Variants in LEMD1 observed in about 807,000 individuals in gnomAD.
The protein encoded by LEMD1 is LEM domain containing 1, also known as LEM domain-containing protein 1.
Under a neutral mutation model 17.4 loss-of-function variants are expected in LEMD1, and 18 were observed. That is an observed-to-expected ratio of 1.04 (90% CI 0.72 to 1.54). The LOEUF (loss-of-function observed/expected upper bound fraction) is 1.54, where lower values mean the gene tolerates loss of function less well. Ranked by LOEUF, LEMD1 falls within the 40% of genes most tolerant of loss-of-function variation. The pLI is 0.00. For missense variants in LEMD1, 195 were observed against 210.4 expected (o/e 0.93, Z 0.45); for synonymous variants, 88 against 77.8 (o/e 1.13, Z -0.69).
intron 4 of LEMD1, among the ~76,000 whole-genome samples, chr1:205,389,190 A>C (rs528574095): frequency 6.6e-6 from 1 of 151,818 alleles, no homozygotes; most frequent in African/African-American, 2.4e-5. Context: ...CTGAGACTAC[A>C]GGTGCATGCC....
intron 5 of LEMD1, among the ~76,000 whole-genome samples, chr1:205,383,000 C>A (rs746262451): frequency 3.9e-5 from 6 of 152,112 alleles, no homozygotes; most frequent in Non-Finnish European, 8.8e-5. Context: ...CTGTCTTGAG[C>A]TTTTATTTGA....
intron 1 of LEMD1, among the ~76,000 whole-genome samples, chr1:205,432,085 G>C (rs1455986544): frequency 6.6e-6 from 1 of 152,220 alleles, no homozygotes; most frequent in East Asian, 1.9e-4. Context: ...ATGTGGTGGG[G>C]TGTGACAGAT....
intron 1 of LEMD1, among the ~76,000 whole-genome samples, chr1:205,434,348 A>ATAT (rs11454707): frequency 1.9e-4 from 27 of 143,156 alleles, no homozygotes; most frequent in African/African-American, 2.8e-4. Flanking sequence ...AGTAAAAAAA[A>ATAT]ATATATATAT....
intron 5 of LEMD1, among the ~76,000 whole-genome samples, chr1:205,383,625 T>C (rs888863653): frequency 6.6e-6 from 1 of 151,780 alleles, no homozygotes; most frequent in Non-Finnish European, 1.5e-5. Flanking sequence ...TATCCTTTTT[T>C]TTTTTTCTTT....
chr1:205,442,511 C>T (rs1666311913), intron 1 of LEMD1, among the ~76,000 whole-genome samples: 1 of 152,190 alleles, frequency 6.6e-6, no homozygotes, highest in Admixed American at 6.5e-5. Context: ...CCACACCAAG[C>T]ACAGTGCCCG....
chr1:205,399,192 G>T (rs973987682), intron 4 of LEMD1, among the ~76,000 whole-genome samples: 1 of 150,032 alleles, frequency 6.7e-6, no homozygotes, highest in Non-Finnish European at 1.5e-5. Context: ...TCCAGCCTGG[G>T]CAACAGAGCG....
chr1:205,398,863 G>A (rs868290295), intron 4 of LEMD1, among the ~76,000 whole-genome samples: 4 of 152,252 alleles, frequency 2.6e-5, no homozygotes, highest in Middle Eastern at 3.4e-3. Flanking sequence ...ACATAGTTAC[G>A]GGTGATACAG....
At chr1:205,384,248 A>G in intron 5 of LEMD1, 40 bp downstream of exon 5, 3 of 1,224,984 alleles carry the variant, frequency 2.4e-6, no homozygotes, top group Non-Finnish European at 3.3e-6. Flanking sequence ...TACAGAATAC[A>G]ATAATATCAA....
At chr1:205,405,695 C>A (rs1665061060) in intron 4 of LEMD1, among the ~76,000 whole-genome samples, 1 of 152,060 alleles carries the variant, frequency 6.6e-6, no homozygotes, top group South Asian at 2.1e-4. Flanking sequence ...GCCTTCTTCT[C>A]TCAACTTGTC....
At chr1:205,419,772 C>T (rs552855170) in intron 2 of LEMD1, among the ~76,000 whole-genome samples, 4 of 152,048 alleles carry the variant, frequency 2.6e-5, no homozygotes, top group South Asian at 2.1e-4. Context: ...TGCCCAATTA[C>T]GGCTTTTTAA....
Position 205,448,446 on chromosome 1 carries a change from A to T in LEMD1, c.-39+1422T>A. ...TCATAGGGAAGCGAGAAGCTGGGGC[A>T]CCCGAGAAGCCCTCACTCCCCTTCT... On this transcript the variant is annotated intron_variant, in intron 1 of 3. Transcript: ENST00000367154. The surrounding 1 kb of genome is among the most constrained non-coding windows in gnomAD (Gnocchi z 4.7). 1 of 530,134 alleles carries T rather than the reference A, an allele frequency of 1.9e-6. No homozygotes were observed. Among genetic ancestry groups the T allele is most frequent in the Non-Finnish European group, 3.9e-6 (1 of 259,212 alleles). 32.8% of individuals were successfully genotyped at this position (530,134 alleles called of 1,614,324 possible). A position where few individuals can be genotyped will look rare whatever the true frequency, so the allele number is the denominator to read the frequency against.
At chr1:205,401,724 A>G (rs974957252) in intron 4 of LEMD1, among the ~76,000 whole-genome samples, 3 of 152,024 alleles carry the variant, frequency 2.0e-5, no homozygotes, top group African/African-American at 7.3e-5. Flanking sequence ...CCATTTGTCA[A>G]TTTTGGCTTT....
upstream of LEMD1, among the ~76,000 whole-genome samples, chr1:205,426,003 C>T (rs1428366204): frequency 2.0e-5 from 3 of 152,170 alleles, no homozygotes; most frequent in Non-Finnish European, 4.4e-5. Flanking sequence ...GGACACAGAG[C>T]AGCTCCACTC....
At chr1:205,402,605 G>A (rs528759843) in intron 4 of LEMD1, among the ~76,000 whole-genome samples, 4 of 152,276 alleles carry the variant, frequency 2.6e-5, no homozygotes, top group Admixed American at 2.6e-4. Flanking sequence ...TTTGGGCTGA[G>A]ACAATGGGGT....
chr1:205,433,936 C>G (rs1037910038), intron 1 of LEMD1, among the ~76,000 whole-genome samples: 2 of 152,196 alleles, frequency 1.3e-5, no homozygotes. Flanking sequence ...GATCTCTCCG[C>G]CCTCTCTCAG....
At chr1:205,430,605 C>A (rs1049074735) in intron 1 of LEMD1, among the ~76,000 whole-genome samples, 4 of 152,224 alleles carry the variant, frequency 2.6e-5, no homozygotes, top group South Asian at 2.1e-4. Context: ...GCAGACCACG[C>A]GGACGCCAAC....
At chr1:205,394,367 T>A (rs528321288) in intron 4 of LEMD1, among the ~76,000 whole-genome samples, 1,897 of 149,732 alleles carry the variant, frequency 0.013, 31 homozygotes, top group African/African-American at 0.035. Flanking sequence ...TATTTGTTTA[T>A]TTAATTAATT....
At chr1:205,389,033 C>CT (rs1278093645) in intron 4 of LEMD1, among the ~76,000 whole-genome samples, 93 of 77,030 alleles carry the variant, frequency 1.2e-3, no homozygotes, top group South Asian at 3.1e-3. Flanking sequence ...AGTACATTTG[C>CT]TTTCTTTTTT....
chr1:205,385,035 A>G (rs554186890), intron 4 of LEMD1, among the ~76,000 whole-genome samples: 4 of 152,112 alleles, frequency 2.6e-5, no homozygotes, highest in Admixed American at 1.3e-4. Context: ...GAGGCTACAC[A>G]GTATTATCAG....
Sources: gnomAD v4.1 joint callset for allele counts (sites outside exome capture counted in the v4.1 genomes callset) on GRCh38, gnomAD v4.1.1 for gene constraint, Gnocchi (gnomAD v3.1) non-coding constraint, MANE v1.5 for transcripts, NCBI Gene and HGNC (gene_info 2026-07-23, HGNC 2026-07-21) for gene names.